PPP3CA: variants seen among roughly 807,000 people sequenced by gnomAD.
PPP3CA encodes CAM-PRP catalytic subunit.
PPP3CA carries 14 observed loss-of-function variants against 66.5 expected under a neutral mutation model. The ratio of observed to expected loss-of-function variants is 0.21; its 90% CI spans 0.14 to 0.33. The LOEUF (loss-of-function observed/expected upper bound fraction) is 0.33. Ranked by LOEUF, PPP3CA falls within the 10% of genes least tolerant of loss-of-function variation. PPP3CA has a pLI of 1.00. For missense variants in PPP3CA, 317 were observed against 639.5 expected, an observed-to-expected ratio of 0.50 and a Z score of 5.44; for synonymous variants, 232 against 226.2, an observed-to-expected ratio of 1.03 and a Z score of -0.23.
intron 1 of PPP3CA, among the ~76,000 whole-genome samples, chr4:101,220,414 A>T: frequency 6.6e-6 from 1 of 151,450 alleles, no homozygotes; most frequent in East Asian, 1.9e-4. Flanking sequence ...ATTTGAATCT[A>T]TCTCTTTATA....
intron 2 of PPP3CA, among the ~76,000 whole-genome samples, chr4:101,144,223 T>C (rs1722895463): frequency 6.6e-6 from 1 of 152,164 alleles, no homozygotes; most frequent in South Asian, 2.1e-4. Flanking sequence ...TAAAACATAA[T>C]AGTAACATAT....
At chr4:101,113,143 AG>A (rs1721728964) in intron 2 of PPP3CA, among the ~76,000 whole-genome samples, 1 of 152,136 alleles carries the variant, frequency 6.6e-6, no homozygotes, top group Admixed American at 6.6e-5. Context: ...GTGTGCAGCA[AG>A]TCTGGGGTAG....
intron 1 of PPP3CA, among the ~76,000 whole-genome samples, chr4:101,280,593 GT>G (rs1288089589): frequency 2.6e-5 from 4 of 152,148 alleles, no homozygotes; most frequent in Non-Finnish European, 4.4e-5. Context: ...GCCGAGGCGG[GT>G]GGATCACCTG....
At chr4:101,171,360 A>AG in intron 2 of PPP3CA, 1 of 349,468 alleles carries the variant, frequency 2.9e-6, no homozygotes, top group Non-Finnish European at 5.6e-6. Context: ...CAAAAAAAAA[A>AG]AAAAACCCTT....
intron 1 of PPP3CA, among the ~76,000 whole-genome samples, chr4:101,232,255 C>T (rs571982936): frequency 2.6e-5 from 4 of 151,602 alleles, no homozygotes; most frequent in African/African-American, 9.7e-5. Flanking sequence ...CACTGACTCA[C>T]CACCAAGCAG....
At chr4:101,217,094 AT>A (rs1725480883) in intron 1 of PPP3CA, among the ~76,000 whole-genome samples, 1 of 152,128 alleles carries the variant, frequency 6.6e-6, no homozygotes, top group Non-Finnish European at 1.5e-5. Context: ...AACTTCTAAA[AT>A]TTGTTGAAGA....
chr4:101,331,246 T>C (rs1729375933), intron 1 of PPP3CA, among the ~76,000 whole-genome samples: 2 of 152,292 alleles, frequency 1.3e-5, no homozygotes, highest in African/African-American at 2.4e-5. Context: ...ACTTACTCAC[T>C]AGGAAACTTT....
intron 1 of PPP3CA, among the ~76,000 whole-genome samples, chr4:101,273,080 T>C (rs1727382014): frequency 6.6e-6 from 1 of 152,142 alleles, no homozygotes; most frequent in Admixed American, 6.5e-5. Context: ...GACAAGAATT[T>C]TATAAATTTT....
At chr4:101,033,290 ACAAACACACACAC>A (rs1727086258) in intron 11 of PPP3CA, among the ~76,000 whole-genome samples, 9 of 88,590 alleles carry the variant, frequency 1.0e-4, no homozygotes, top group African/African-American at 3.8e-4. Flanking sequence ...ACACACACAC[ACAAACACACACAC>A]ACACACACAC....
chr4:101,123,481 A>G (rs1321203719), intron 2 of PPP3CA, among the ~76,000 whole-genome samples: 1 of 152,190 alleles, frequency 6.6e-6, no homozygotes, highest in Non-Finnish European at 1.5e-5. Context: ...AGGAAGTGAA[A>G]GATCTATAAA....
intron 1 of PPP3CA, among the ~76,000 whole-genome samples, chr4:101,313,755 G>T (rs1327248099): frequency 6.6e-6 from 1 of 152,162 alleles, no homozygotes; most frequent in East Asian, 1.9e-4. Flanking sequence ...TTTATTATAA[G>T]CAAATGGCTA....
At chr4:101,079,095 T>C (rs568419606) in intron 8 of PPP3CA, among the ~76,000 whole-genome samples, 1 of 152,206 alleles carries the variant, frequency 6.6e-6, no homozygotes, top group South Asian at 2.1e-4. Flanking sequence ...CAGATGTCAT[T>C]CTCTGGGCTA....
intron 2 of PPP3CA, among the ~76,000 whole-genome samples, chr4:101,147,579 G>A (rs1183601096): frequency 3.3e-5 from 5 of 152,124 alleles, no homozygotes; most frequent in African/African-American, 4.8e-5. Context: ...TATTACCTTT[G>A]CTACTTGAAA....
At chr4:101,192,461 GT>G (rs1323016235) in intron 2 of PPP3CA, among the ~76,000 whole-genome samples, 7 of 152,060 alleles carry the variant, frequency 4.6e-5, no homozygotes, top group Admixed American at 4.6e-4. Flanking sequence ...GTAAGTGCTG[GT>G]TATAGAGATT....
intron 5 of PPP3CA, 78 bp from the exon 6 acceptor site, chr4:101,093,993 T>C (rs927741748): frequency 3.7e-6 from 5 of 1,342,504 alleles, no homozygotes; most frequent in Non-Finnish European, 4.0e-6. Flanking sequence ...AAACAAGCAC[T>C]GTGCAGAACC....
At chr4:101,109,864 T>C (rs1047304235) in intron 2 of PPP3CA, among the ~76,000 whole-genome samples, 1 of 152,162 alleles carries the variant, frequency 6.6e-6, no homozygotes, top group African/African-American at 2.4e-5. Flanking sequence ...AAAACTCACT[T>C]ATTTAATACT....
chr4:101,270,252 A>G (rs1727294911), intron 1 of PPP3CA, among the ~76,000 whole-genome samples: 1 of 152,156 alleles, frequency 6.6e-6, no homozygotes. Flanking sequence ...CAGGTCATTC[A>G]TATGTGTGCA....
At chr4:101,029,051 A>T in intron 13 of PPP3CA, 115 bp downstream of exon 13, 1 of 980,694 alleles carries the variant, frequency 1.0e-6, no homozygotes, top group Non-Finnish European at 1.6e-6. Context: ...ATACTGAGCC[A>T]CAACTGTTAG....
At chr4:101,186,840 C>T (rs544854861) in intron 2 of PPP3CA, among the ~76,000 whole-genome samples, 1 of 152,126 alleles carries the variant, frequency 6.6e-6, no homozygotes, top group African/African-American at 2.4e-5. Context: ...TTCTAATCAC[C>T]AAAAACCATA....
Sources: allele counts gnomAD v4.1 joint callset (sites outside exome capture counted in the v4.1 genomes callset), GRCh38; gene constraint gnomAD v4.1.1; transcripts MANE v1.5; gene names NCBI Gene and HGNC (gene_info 2026-07-23, HGNC 2026-07-21).